The following OSTN variants were observed in gnomAD, a reference collection of about 807,000 sequenced individuals.
OSTN encodes the protein osteocrin.
OSTN carries 9 observed loss-of-function variants against 12.0 expected under a neutral mutation model. That is an observed-to-expected ratio of 0.75 (90% CI 0.45 to 1.30). OSTN has a LOEUF of 1.30. Among genes scored for constraint, OSTN ranks in the 50% most tolerant of loss-of-function variants. OSTN has a pLI of 0.00. For synonymous variants in OSTN, 59 were observed against 56.9 expected, an observed-to-expected ratio of 1.04 and a Z score of -0.16; for missense variants, 148 against 152.3, an observed-to-expected ratio of 0.97 and a Z score of 0.15.
chr3:191,242,578 T>C (rs1471922383), intron 3 of OSTN, among the ~76,000 whole-genome samples: 1 of 152,204 alleles, frequency 6.6e-6, no homozygotes, highest in East Asian at 1.9e-4. Flanking sequence ...TATTTTGTTT[T>C]GTGACGGGGT....
intron 3 of OSTN, among the ~76,000 whole-genome samples, chr3:191,242,958 T>A (rs1202377368): frequency 6.7e-6 from 1 of 148,644 alleles, no homozygotes; most frequent in Non-Finnish European, 1.5e-5. Context: ...TACAGATAAA[T>A]GTTTAAAAGA....
chr3:191,233,933 A>G (rs1021766017), intron 3 of OSTN, among the ~76,000 whole-genome samples: 3 of 151,984 alleles, frequency 2.0e-5, no homozygotes, highest in Admixed American at 6.6e-5. Context: ...CGGAGGTTGC[A>G]GTTAGCTGAG....
chr3:191,242,947 C>A (rs1715353665), intron 3 of OSTN, among the ~76,000 whole-genome samples: 1 of 151,060 alleles, frequency 6.6e-6, no homozygotes, highest in African/African-American at 2.5e-5. Flanking sequence ...CAAAGCCCTC[C>A]TACAGATAAA....
intron 3 of OSTN, among the ~76,000 whole-genome samples, chr3:191,246,537 C>T (rs968287756): frequency 1.4e-5 from 2 of 148,032 alleles, no homozygotes; most frequent in Non-Finnish European, 3.0e-5. Context: ...GCCCAGGAGG[C>T]GAAGGTTGCA....
chr3:191,217,977 A>G (rs1432886097), intron 2 of OSTN, among the ~76,000 whole-genome samples: 1 of 152,214 alleles, frequency 6.6e-6, no homozygotes, highest in Non-Finnish European at 1.5e-5. Context: ...GTTGAATACT[A>G]TGAGCAAAAT....
intron 3 of OSTN, among the ~76,000 whole-genome samples, chr3:191,223,465 A>G (rs1714821711): frequency 6.6e-6 from 1 of 152,232 alleles, no homozygotes; most frequent in Non-Finnish European, 1.5e-5. Context: ...ACGGTTTGAA[A>G]AAACAGATAC....
intron 2 of OSTN, among the ~76,000 whole-genome samples, chr3:191,213,729 C>T (rs374485535): frequency 2.0e-5 from 3 of 150,258 alleles, no homozygotes; most frequent in African/African-American, 7.3e-5. Flanking sequence ...AAGTGAGAGT[C>T]TGAAAAGCAT....
At chr3:191,254,741 T>C (rs1411348350) in intron 4 of OSTN, among the ~76,000 whole-genome samples, 2 of 152,240 alleles carry the variant, frequency 1.3e-5, no homozygotes, top group African/African-American at 2.4e-5. Context: ...TCATATTATA[T>C]ATTCTACTTG....
chr3:191,235,737 C>A (rs1251614802), intron 3 of OSTN, among the ~76,000 whole-genome samples: 4 of 152,158 alleles, frequency 2.6e-5, no homozygotes. Context: ...GACAGAAAGC[C>A]CTTGGGGCAA....
At chr3:191,224,988 GA>G (rs1383136868) in intron 3 of OSTN, among the ~76,000 whole-genome samples, 4 of 151,930 alleles carry the variant, frequency 2.6e-5, no homozygotes, top group African/African-American at 9.7e-5. Flanking sequence ...TAACAATGAT[GA>G]AAGCTGAAAT....
At chr3:191,226,611 C>G (rs34979847) in intron 3 of OSTN, among the ~76,000 whole-genome samples, 52,235 of 152,022 alleles carry the variant, frequency 0.34, 11,221 homozygotes, top group African/African-American at 0.59. Flanking sequence ...GGCATAGCCA[C>G]AAAAACTCTG....
intron 3 of OSTN, among the ~76,000 whole-genome samples, chr3:191,224,830 A>G (rs1714869599): frequency 6.6e-6 from 1 of 152,104 alleles, no homozygotes; most frequent in Non-Finnish European, 1.5e-5. Context: ...ATAAAAATAC[A>G]ATATGATGGG....
At chr3:191,246,412 C>T (rs1715432697) in intron 3 of OSTN, among the ~76,000 whole-genome samples, 1 of 151,924 alleles carries the variant, frequency 6.6e-6, no homozygotes, top group Non-Finnish European at 1.5e-5. Flanking sequence ...TTGAGACCAG[C>T]CTGGCCAACA....
rs192495382 is a variant in OSTN at position 191,237,982 on chromosome 3, A to C, written c.318-12055A>C. ...CAGATATGATTGCCCTTCTTGACAA[A>C]AATCCCAAAGATTAAGGTAAAAAGT... On this transcript the variant is annotated intron_variant, in intron 3 of 4. Coordinates refer to ENST00000682035, the MANE Select transcript of OSTN (RefSeq NM_198184.2). 1.3e-4 allele frequency among the ~76,000 whole-genome samples: 20 copies of C among 152,304 alleles called. 1 individual carries two copies. In the East Asian group the frequency reaches 3.9e-3, roughly 29 times the overall value.
At chr3:191,254,204 G>GA (rs1448177756) in intron 4 of OSTN, among the ~76,000 whole-genome samples, 2 of 152,238 alleles carry the variant, frequency 1.3e-5, no homozygotes, top group South Asian at 2.1e-4. Flanking sequence ...TAAGGAAATA[G>GA]AAAAAAACAA....
intron 4 of OSTN, among the ~76,000 whole-genome samples, chr3:191,251,377 C>A (rs1357529286): frequency 6.6e-6 from 1 of 152,002 alleles, no homozygotes; most frequent in Non-Finnish European, 1.5e-5. Context: ...AGGTGCATGC[C>A]CGCTCCCTAA....
intron 3 of OSTN, among the ~76,000 whole-genome samples, chr3:191,249,168 A>G (rs936092840): frequency 6.6e-6 from 1 of 152,190 alleles, no homozygotes; most frequent in East Asian, 1.9e-4. Context: ...ACTGATTTAC[A>G]TAGGCTTCTT....
intron 3 of OSTN, among the ~76,000 whole-genome samples, chr3:191,220,226 T>A (rs10048931): frequency 0.12 from 17,579 of 152,184 alleles, 1,212 homozygotes; most frequent in Non-Finnish European, 0.16. Flanking sequence ...ATACCTCTGT[T>A]CTGAAAGATT....
Position 191,218,901 on chromosome 3 carries a change from G to GT in OSTN, c.261dup (p.Gly88TrpfsTer5). ...ACAAAGAAGAAAAGGAGTTTCTCTG[G>GT]TTTTGGGTCTCCCCTTGACAGACTC... On this transcript the variant is annotated frameshift_variant, in exon 3 of 5. Coordinates refer to ENST00000682035, the MANE Select transcript of OSTN (RefSeq NM_198184.2). LOFTEE classifies it high-confidence loss of function. 6.2e-7 allele frequency: 1 copy of GT among 1,614,116 alleles called. No individual in the cohort carries two copies. Among genetic ancestry groups the GT allele is most frequent in the Non-Finnish European group, 8.5e-7 (1 of 1,179,992 alleles).
Sources: gnomAD v4.1 joint callset for allele counts (sites outside exome capture counted in the v4.1 genomes callset) on GRCh38, gnomAD v4.1.1 for gene constraint, MANE v1.5 for transcripts, NCBI Gene and HGNC (gene_info 2026-07-23, HGNC 2026-07-21) for gene names.